CIRSR: variants seen among roughly 807,000 people sequenced by gnomAD.
The protein encoded by CIRSR is corepressor of RBPJ and splicing regulator.
At chr2:174,386,561 T>C in the CIRSR span, among the ~76,000 whole-genome samples, 2 of 152,148 alleles carry the variant, frequency 1.3e-5, no homozygotes, top group Admixed American at 1.3e-4. Context: ...TCCTGTGCAT[T>C]GTAGGCTGTT....
chr2:174,381,964 A>C, the CIRSR span, among the ~76,000 whole-genome samples: 1 of 152,210 alleles, frequency 6.6e-6, no homozygotes, highest in Admixed American at 6.5e-5. Context: ...CTGTCTCTTT[A>C]GTAACTAGTT....
At chr2:174,395,287 A>G in the CIRSR span, among the ~76,000 whole-genome samples, 1 of 152,240 alleles carries the variant, frequency 6.6e-6, no homozygotes. Flanking sequence ...GAATTTTGAC[A>G]TTAGTCTTCG....
the CIRSR span, among the ~76,000 whole-genome samples, chr2:174,356,905 T>G: frequency 1.3e-5 from 2 of 152,200 alleles, 1 homozygote; most frequent in South Asian, 4.1e-4. Context: ...GTCTTAGCTA[T>G]TACTTCCAAA....
chr2:174,381,811 G>C, the CIRSR span: 1 of 1,443,946 alleles, frequency 6.9e-7, no homozygotes, highest in Non-Finnish European at 9.4e-7. Flanking sequence ...ACGATTTTAT[G>C]TAGGACAAAA....
chr2:174,348,915 T>A, the CIRSR span: 1 of 1,614,056 alleles, frequency 6.2e-7, no homozygotes, highest in African/African-American at 1.3e-5. Flanking sequence ...CTTCTTAGAC[T>A]TGTCCTTCTC....
chr2:174,377,969 C>T, the CIRSR span, among the ~76,000 whole-genome samples: 2 of 151,656 alleles, frequency 1.3e-5, no homozygotes, highest in African/African-American at 4.8e-5. Context: ...GGCTGAAGAA[C>T]GTATGTTGAT....
At chr2:174,380,500 T>G in the CIRSR span, 1 of 721,710 alleles carries the variant, frequency 1.4e-6, no homozygotes, top group East Asian at 2.7e-5. Context: ...GCAAGCAGAT[T>G]AGTTGAATAA....
chr2:174,359,321 A>G, the CIRSR span, among the ~76,000 whole-genome samples: 1 of 132,150 alleles, frequency 7.6e-6, no homozygotes, highest in Non-Finnish European at 1.6e-5. Flanking sequence ...ATTTAAGACC[A>G]GTGCATTTTA....
the CIRSR span, among the ~76,000 whole-genome samples, chr2:174,355,787 TA>T: frequency 6.6e-6 from 1 of 152,128 alleles, no homozygotes; most frequent in African/African-American, 2.4e-5. Flanking sequence ...TATCAAAGAA[TA>T]ATATATAAAC....
At chr2:174,383,645 CGCAG>C in the CIRSR span, among the ~76,000 whole-genome samples, 7 of 147,956 alleles carry the variant, frequency 4.7e-5, no homozygotes, top group Non-Finnish European at 7.4e-5. Context: ...GCTTGAACCT[CGCAG>C]GCAGAGGTTG....
chr2:174,351,647 C>T, the CIRSR span: 4 of 1,613,366 alleles, frequency 2.5e-6, no homozygotes, highest in Non-Finnish European at 2.5e-6. Flanking sequence ...GGTCAAGTTT[C>T]TCCCCAGTAC....
the CIRSR span, chr2:174,349,292 C>T: frequency 3.9e-4 from 251 of 649,298 alleles, no homozygotes; most frequent in Admixed American, 2.6e-4. Flanking sequence ...CATGGCAGAG[C>T]GCGCTGGCTC....
chr2:174,376,419 G>GT, the CIRSR span, among the ~76,000 whole-genome samples: 1 of 152,140 alleles, frequency 6.6e-6, no homozygotes, highest in African/African-American at 2.4e-5. Flanking sequence ...TAGTACCACA[G>GT]TAAAACCCCA....
the CIRSR span, among the ~76,000 whole-genome samples, chr2:174,377,841 A>AAAAAC: frequency 6.6e-6 from 1 of 151,526 alleles, no homozygotes; most frequent in Non-Finnish European, 1.5e-5. Flanking sequence ...AAAAAAAAAA[A>AAAAAC]AAAAAACCAA....
At chr2:174,357,077 T>C in the CIRSR span, among the ~76,000 whole-genome samples, 1 of 152,216 alleles carries the variant, frequency 6.6e-6, no homozygotes, top group African/African-American at 2.4e-5. Context: ...CAGATTAGGA[T>C]ACAAACAAGG....
the CIRSR span, chr2:174,350,699 A>G: frequency 6.2e-7 from 1 of 1,609,850 alleles, no homozygotes; most frequent in Admixed American, 1.7e-5. Flanking sequence ...TAGTGACTTT[A>G]AAAATTCAAC....
At chr2:174,374,717 C>T in the CIRSR span, among the ~76,000 whole-genome samples, 2 of 152,200 alleles carry the variant, frequency 1.3e-5, no homozygotes, top group Non-Finnish European at 2.9e-5. Flanking sequence ...AGTCTGTGTG[C>T]TTAACCGCTA....
At chr2:174,358,115 T>G in the CIRSR span, 16 of 152,246 alleles carry the variant, frequency 1.1e-4, no homozygotes, top group African/African-American at 3.9e-4. Context: ...ACATTTCGTT[T>G]TAGTCTATGT....
chr2:174,348,268 C>T, the CIRSR span: 5 of 498,070 alleles, frequency 1.0e-5, no homozygotes, highest in Admixed American at 7.9e-5. Flanking sequence ...AATATTTCCA[C>T]AGCCCCAAAA....
Sources: gnomAD v4.1 joint callset for allele counts (sites outside exome capture counted in the v4.1 genomes callset) on GRCh38, gnomAD v4.1.1 for gene constraint, MANE v1.5 for transcripts, NCBI Gene and HGNC (gene_info 2026-07-23, HGNC 2026-07-21) for gene names.